Variants in ANKRD28 observed in about 807,000 individuals in gnomAD.
ANKRD28 encodes the protein serine/threonine-protein phosphatase 6 regulatory ankyrin repeat subunit A.
A neutral mutation model predicts 126.5 loss-of-function variants in ANKRD28; 44 were observed. The ratio of observed to expected loss-of-function variants is 0.35; its 90% CI spans 0.27 to 0.45. The LOEUF (loss-of-function observed/expected upper bound fraction) is 0.45, where lower values mean the gene tolerates loss of function less well. Among genes scored for constraint, ANKRD28 ranks in the 20% least tolerant of loss-of-function variants. The pLI is 1.00. For missense variants in ANKRD28, 1,110 were observed against 1,316.6 expected, an observed-to-expected ratio of 0.84 and a Z score of 2.43; for synonymous variants, 442 against 468.5, an observed-to-expected ratio of 0.94 and a Z score of 0.73.
intron 6 of ANKRD28, 101 bp from the exon 7 acceptor site, chr3:15,724,625 A>G (rs986584080): frequency 3.7e-6 from 4 of 1,069,444 alleles, no homozygotes; most frequent in East Asian, 2.6e-5. Context: ...TGCAAAATAG[A>G]TGATGCATGA....
At chr3:15,697,612 T>G (rs377699308) in intron 14 of ANKRD28, among the ~76,000 whole-genome samples, 58 of 152,208 alleles carry the variant, frequency 3.8e-4, no homozygotes, top group African/African-American at 1.4e-3. Flanking sequence ...GAGTTGATTG[T>G]GGTGGGTAAG....
At chr3:15,842,799 T>C (rs755206543) in intron 1 of ANKRD28, among the ~76,000 whole-genome samples, 2 of 152,208 alleles carry the variant, frequency 1.3e-5, no homozygotes, top group Non-Finnish European at 2.9e-5. Flanking sequence ...TATATTAATA[T>C]TTAAACTTGA....
intron 1 of ANKRD28, among the ~76,000 whole-genome samples, chr3:15,856,235 A>G (rs1355873305): frequency 6.6e-6 from 1 of 152,196 alleles, no homozygotes; most frequent in Non-Finnish European, 1.5e-5. Context: ...CCAGCACTGC[A>G]ACAATGGCTT....
intron 1 of ANKRD28, among the ~76,000 whole-genome samples, chr3:15,837,968 G>A: frequency 6.7e-6 from 1 of 148,158 alleles, no homozygotes; most frequent in Non-Finnish European, 1.5e-5. Context: ...ACCGAACTCA[G>A]AGGAATTAAA....
At chr3:15,688,410 C>T (rs2068397985) in intron 18 of ANKRD28, among the ~76,000 whole-genome samples, 1 of 152,152 alleles carries the variant, frequency 6.6e-6, no homozygotes, top group Non-Finnish European at 1.5e-5. Flanking sequence ...AGGCATGCGC[C>T]ACCAAGTTTG....
intron 26 of ANKRD28, 175 bp from the exon 27 acceptor site, chr3:15,676,164 T>G: frequency 2.2e-6 from 1 of 452,408 alleles, no homozygotes. Flanking sequence ...CTCTGTGCAG[T>G]GCACTGTCAC....
In ANKRD28 at chr3:15,696,332, A is replaced by C. The variant is rs565381238; in HGVS notation, c.1548-87T>G. ...AAGAGACTGAAATTAAAAACTGACA[A>C]TTTTTCTTATACTTGAGTAATATAA... On this transcript the variant is annotated intron_variant, in intron 14 of 27. Transcript: ENST00000683139. 103 of 805,812 alleles carry C rather than the reference A, an allele frequency of 1.3e-4. No individual in the cohort carries two copies. The African/African-American group carries it at 1.4e-3, about 11-fold the overall frequency. 49.9% of individuals were successfully genotyped at this position (805,812 alleles called of 1,614,324 possible). A position where few individuals can be genotyped will look rare whatever the true frequency, so the allele number is the denominator to read the frequency against.
At chr3:15,799,317 G>GAA (rs79319325), upstream of ANKRD28, among the ~76,000 whole-genome samples, 50 of 143,162 alleles carry the variant, frequency 3.5e-4, 2 homozygotes, top group South Asian at 5.9e-3. Context: ...CCATAAAAAG[G>GAA]AAAAAAAAAA....
intron 2 of ANKRD28, among the ~76,000 whole-genome samples, chr3:15,768,267 A>C (rs4519677): frequency 1.9e-3 from 287 of 152,324 alleles, no homozygotes; most frequent in African/African-American, 6.5e-3. Context: ...AATTACTTTA[A>C]GAAAAAATAG....
At chr3:15,787,554 G>A (rs2059835869) in intron 2 of ANKRD28, among the ~76,000 whole-genome samples, 1 of 152,182 alleles carries the variant, frequency 6.6e-6, no homozygotes, top group South Asian at 2.1e-4. Flanking sequence ...ACCTGAGATA[G>A]GGATGGAGGG....
In ANKRD28 at chr3:15,811,732, T is replaced by C. The variant is rs540375176; in HGVS notation, c.28-16426A>G. Among the ~76,000 whole-genome samples the C allele has an allele frequency of 1.1e-3, 165 of 152,014 alleles. No homozygotes were observed. The Middle Eastern group carries it at 0.024, about 22-fold the overall frequency. On this transcript the variant is annotated intron_variant, in intron 1 of 27. Transcript: ENST00000399451. ...CCTCCCAAAGTACTGGGATTACAGGTGTGAGCCACTGCGCCTGGCCAGGGA... is the reference window on the plus strand; with the variant it reads ...CCTCCCAAAGTACTGGGATTACAGGCGTGAGCCACTGCGCCTGGCCAGGGA...
At chr3:15,827,878 C>T (rs982021279) in intron 1 of ANKRD28, among the ~76,000 whole-genome samples, 3 of 151,950 alleles carry the variant, frequency 2.0e-5, no homozygotes, top group Non-Finnish European at 4.4e-5. Flanking sequence ...TAAAGAAATC[C>T]TACAATTAAA....
At chr3:15,726,286 G>A (rs1038123876) in intron 6 of ANKRD28, among the ~76,000 whole-genome samples, 3 of 152,184 alleles carry the variant, frequency 2.0e-5, no homozygotes, top group Non-Finnish European at 4.4e-5. Flanking sequence ...CAGGCTGAAA[G>A]CTAGGCCTCC....
At chr3:15,855,159 C>G (rs1477751402) in intron 1 of ANKRD28, among the ~76,000 whole-genome samples, 4 of 152,120 alleles carry the variant, frequency 2.6e-5, no homozygotes, top group Admixed American at 1.3e-4. Context: ...TCTGTATCCC[C>G]TATTGTAAGA....
chr3:15,815,514 TCTCAAACTCCTGGG>T lies in ANKRD28; in HGVS notation c.28-20222_28-20209del, dbSNP rs1049695937. On this transcript the variant is annotated intron_variant, in intron 1 of 27. Coordinates refer to the ANKRD28 transcript ENST00000399451. The surrounding 1 kb of genome is among the most constrained non-coding windows in gnomAD (Gnocchi z 4.1). ...GGTCTCATTATGTTGCCTAGGCTGGTCTCAAACTCCTGGGCTCAAGCGATCCTCCTGCCTTGGCC... is the reference window on the plus strand; with the variant it reads ...GGTCTCATTATGTTGCCTAGGCTGGTCTCAAGCGATCCTCCTGCCTTGGCC... 1.3e-5 allele frequency among the ~76,000 whole-genome samples: 2 copies of T among 152,128 alleles called. No homozygotes were observed. Among genetic ancestry groups the T allele is most frequent in the Non-Finnish European group, 2.9e-5 (2 of 68,010 alleles).
rs1489526098 is a variant in ANKRD28, at chr3:15,854,601, GCTCCACATGTTTTC to G, written c.27+4762_27+4775del. Among the ~76,000 whole-genome samples, 1 of 152,118 alleles carries G rather than the reference GCTCCACATGTTTTC, an allele frequency of 6.6e-6. No individual in the cohort carries two copies. The highest frequency in any genetic ancestry group is 2.4e-5 in the African/African-American group (1 of 41,412). On this transcript the variant is annotated intron_variant, in intron 1 of 27. Coordinates refer to the ANKRD28 transcript ENST00000399451. The surrounding 1 kb of genome is among the most constrained non-coding windows in gnomAD (Gnocchi z 4.1). The stretch of plus-strand genomic sequence containing the variant: ...TGTATGTTACATTTTCAATTAATAT[GCTCCACATGTTTTC>G]CTTCAGCCTCTATAAGTCTCTTCAT...
chr3:15,767,699 CTAAAAAAAAAAAAAAAAAAAAAAAAAA>C (rs1423543751), intron 2 of ANKRD28, among the ~76,000 whole-genome samples: 2 of 47,488 alleles, frequency 4.2e-5, no homozygotes, highest in East Asian at 8.3e-4. Flanking sequence ...CTAGTCTCTA[CTAAAAAAAAAAAAAAAAAAAAAAAAAA>C]AAAAAAAAAA....
rs1389024502 is a variant in ANKRD28 at position 15,679,556 on chromosome 3, C to T, written c.2397G>A (p.Glu799=). 6.2e-7 allele frequency: 1 copy of T among 1,610,554 alleles called. No homozygotes were observed. The highest frequency in any genetic ancestry group is 2.2e-5 in the East Asian group (1 of 44,796). ...ALHWACYNGH[E]TCVELLLEQE... ...GTTCTAAAAGCAGTTCTACACATGT[C>T]TCGTGACCTAAATAGGTGTAAAGAA... The change falls in exon 22 of 28, where the codon GAG becomes GAA. Residue 799 remains glutamate (E), a synonymous_variant. Transcript: ENST00000683139.
Position 15,816,104 on chromosome 3 carries a change from T to C in ANKRD28, c.28-20798A>G, listed in dbSNP as rs1185891440. 2.0e-5 allele frequency among the ~76,000 whole-genome samples: 3 copies of C among 152,242 alleles called. No individual in the cohort carries two copies. The highest frequency in any genetic ancestry group is 1.3e-4 in the Admixed American group (2 of 15,282). ...GATTGAAAACCGCCTTCTGTTACTA[T>C]GGCATTTACCAAATCAAACTGCCTC... On this transcript the variant is annotated intron_variant, in intron 1 of 27. Coordinates refer to the ANKRD28 transcript ENST00000399451. The surrounding 1 kb of genome is among the most constrained non-coding windows in gnomAD (Gnocchi z 5.0).
Sources: gnomAD v4.1 joint callset for allele counts (sites outside exome capture counted in the v4.1 genomes callset) on GRCh38, gnomAD v4.1.1 for gene constraint, Gnocchi (gnomAD v3.1) non-coding constraint, MANE v1.5 for transcripts, NCBI Gene and HGNC (gene_info 2026-07-23, HGNC 2026-07-21) for gene names.